Variants in SPOP observed in about 807,000 individuals in gnomAD.
SPOP encodes speckle-type POZ protein.
In SPOP, 11 loss-of-function variants were observed where a neutral mutation model predicts 45.6. That is an observed-to-expected ratio of 0.24 (90% CI 0.15 to 0.40). The LOEUF (loss-of-function observed/expected upper bound fraction) is 0.40. Ranked by LOEUF, SPOP falls within the 10% of genes least tolerant of loss-of-function variation. SPOP has a pLI of 1.00. For synonymous variants in SPOP, 166 were observed against 166.3 expected, an observed-to-expected ratio of 1.00 and a Z score of 0.01; for missense variants, 152 against 465.6, an observed-to-expected ratio of 0.33 and a Z score of 6.20.
intron 5 of SPOP, 34 bp downstream of exon 5, chr17:49,618,947 G>GAACT: frequency 1.3e-6 from 2 of 1,594,680 alleles, no homozygotes; most frequent in South Asian, 2.2e-5. Flanking sequence ...TCAGATCTGG[G>GAACT]AACTGCTAGT....
At chr17:49,624,025 T>C (rs1157778925) in intron 1 of SPOP, among the ~76,000 whole-genome samples, 1 of 152,090 alleles carries the variant, frequency 6.6e-6, no homozygotes, top group East Asian at 1.9e-4. Flanking sequence ...CCAATAACTG[T>C]TATATATCTC....
intron 8 of SPOP, among the ~76,000 whole-genome samples, chr17:49,606,019 T>C (rs2071836828): frequency 6.6e-6 from 1 of 151,480 alleles, no homozygotes; most frequent in African/African-American, 2.4e-5. Flanking sequence ...AACAAATAAA[T>C]AGGCAGTATT....
At chr17:49,649,951 G>GCA (rs1296916511) in intron 1 of SPOP, among the ~76,000 whole-genome samples, 3 of 151,770 alleles carry the variant, frequency 2.0e-5, no homozygotes, top group Non-Finnish European at 2.9e-5. Flanking sequence ...GAGTACAATG[G>GCA]CACGATCTCG....
At chr17:49,660,628 C>T (rs1444973787) in intron 1 of SPOP, among the ~76,000 whole-genome samples, 2 of 152,298 alleles carry the variant, frequency 1.3e-5, no homozygotes, top group East Asian at 3.9e-4. Context: ...AAGGCCTTCC[C>T]TGACTCCTCC....
intron 1 of SPOP, among the ~76,000 whole-genome samples, chr17:49,624,257 T>A (rs1414015015): frequency 2.6e-5 from 4 of 152,020 alleles, no homozygotes; most frequent in African/African-American, 9.7e-5. Context: ...TCGTATTGTA[T>A]AATGGAAGTT....
At chr17:49,665,395 A>G (rs1473441289) in intron 1 of SPOP, among the ~76,000 whole-genome samples, 2 of 151,994 alleles carry the variant, frequency 1.3e-5, no homozygotes, top group East Asian at 1.9e-4. Flanking sequence ...CGGGCGGATC[A>G]TGAGGTCAGG....
intron 8 of SPOP, among the ~76,000 whole-genome samples, chr17:49,603,756 T>C (rs767957466): frequency 3.9e-5 from 6 of 152,246 alleles, no homozygotes; most frequent in Non-Finnish European, 7.3e-5. Context: ...TAGTTGGAAA[T>C]TCTGAATGGA....
chr17:49,637,054 A>G (rs1168611358), intron 1 of SPOP, among the ~76,000 whole-genome samples: 3 of 152,148 alleles, frequency 2.0e-5, no homozygotes, highest in Non-Finnish European at 1.5e-5. Context: ...TCAACCAAAA[A>G]TACAAAAAAT....
At chr17:49,620,678 G>A (rs925964410) in intron 3 of SPOP, 7 of 154,054 alleles carry the variant, frequency 4.5e-5, no homozygotes, top group African/African-American at 9.6e-5. Flanking sequence ...AATCTGTTAC[G>A]GAGAGATCAA....
chr17:49,673,884 G>A (rs2073167982), intron 1 of SPOP, among the ~76,000 whole-genome samples: 1 of 151,352 alleles, frequency 6.6e-6, no homozygotes. Flanking sequence ...TGGTGGCTCA[G>A]GCCTGTAATC....
At position 49,662,070 on chromosome 17, in the gene SPOP, C is replaced by T. The variant is rs938000722; in HGVS notation, c.-67+15863G>A. Among the ~76,000 whole-genome samples, 18 of 149,176 alleles carry T rather than the reference C, an allele frequency of 1.2e-4. No homozygotes were observed. The South Asian group carries it at 3.7e-3, about 31-fold the overall frequency. On this transcript the variant is annotated intron_variant, in intron 1 of 9. Transcript: ENST00000504102. The stretch of plus-strand genomic sequence containing the variant: ...TTTGGGGGTAGGGAGGTCTCTTCCT[C>T]TTTAGAGAGACCCTTTAATGACCAA...
chr17:49,658,461 C>A (rs2072944597), intron 1 of SPOP, among the ~76,000 whole-genome samples: 1 of 152,144 alleles, frequency 6.6e-6, no homozygotes, highest in Admixed American at 6.5e-5. Context: ...ACTAACACCA[C>A]CAATAAAGAG....
At chr17:49,649,253 A>G (rs894427010) in intron 1 of SPOP, among the ~76,000 whole-genome samples, 1 of 151,972 alleles carries the variant, frequency 6.6e-6, no homozygotes, top group Non-Finnish European at 1.5e-5. Flanking sequence ...AAAGTAAACT[A>G]TGGGCCGGGA....
intron 1 of SPOP, among the ~76,000 whole-genome samples, chr17:49,626,063 G>C (rs2072324401): frequency 6.6e-6 from 1 of 152,110 alleles, no homozygotes; most frequent in African/African-American, 2.4e-5. Context: ...CACATCTCTG[G>C]TTTATAATAT....
intron 1 of SPOP, among the ~76,000 whole-genome samples, chr17:49,659,531 C>G (rs1306804266): frequency 1.3e-5 from 2 of 152,202 alleles, no homozygotes; most frequent in African/African-American, 2.4e-5. Flanking sequence ...TTTTCTAGAG[C>G]CACTGACACT....
In SPOP at chr17:49,600,395, G is replaced by A. The variant is rs772401624; in HGVS notation, c.1108C>T (p.Arg370Cys). 5 of 1,614,110 alleles carry A rather than the reference G, an allele frequency of 3.1e-6. No homozygotes were observed. Among genetic ancestry groups the A allele is most frequent in the Admixed American group, 1.7e-5 (1 of 60,022 alleles). Residue 370 changes from arginine (R) to cysteine (C), a missense_variant, in exon 10 of 10, where the codon CGC (arginine) becomes TGC (cysteine). Around this residue, in one of 3 missense-constraint regions of SPOP, gnomAD observed 106 missense variants for 255.2 expected, o/e 0.42. Transcript: ENST00000504102. The surrounding 1 kb of genome is among the most constrained non-coding windows in gnomAD (Gnocchi z 4.2). Reference protein sequence around the residue: ...QCPFLGPPRKRLKQS With the variant: ...QCPFLGPPRKCLKQS ...GCAGGATCTTAGGATTGCTTCAGGC[G>A]TTTGCGTGGGGGTCCCAGAAAAGGG... is the stretch of plus-strand genomic sequence containing the variant.
intron 1 of SPOP, among the ~76,000 whole-genome samples, chr17:49,660,408 C>T (rs1940976041): frequency 6.6e-6 from 1 of 152,306 alleles, no homozygotes; most frequent in Middle Eastern, 3.4e-3. Flanking sequence ...CACCTACTCC[C>T]ACCCCAACAT....
chr17:49,652,977 C>T (rs950863413), intron 1 of SPOP, among the ~76,000 whole-genome samples: 3 of 152,086 alleles, frequency 2.0e-5, no homozygotes, highest in Non-Finnish European at 4.4e-5. Context: ...GAGAAATGGA[C>T]GTCAGTTAAA....
intron 1 of SPOP, among the ~76,000 whole-genome samples, chr17:49,674,109 T>C (rs1422579599): frequency 6.6e-6 from 1 of 151,980 alleles, no homozygotes; most frequent in African/African-American, 2.4e-5. Context: ...ATTGCACCAC[T>C]GCACTCCAGC....
Sources: gnomAD v4.1 joint callset for allele counts (sites outside exome capture counted in the v4.1 genomes callset) on GRCh38, gnomAD v4.1.1 for gene constraint, gnomAD v4.1.1 regional missense constraint, Gnocchi (gnomAD v3.1) non-coding constraint, MANE v1.5 for transcripts, NCBI Gene and HGNC (gene_info 2026-07-23, HGNC 2026-07-21) for gene names.